DARS1: variants seen among roughly 807,000 people sequenced by gnomAD.
DARS1 encodes aspartate--tRNA ligase, cytoplasmic.
A neutral mutation model predicts 68.8 loss-of-function variants in DARS1; 51 were observed. The ratio of observed to expected loss-of-function variants is 0.74; its 90% CI spans 0.59 to 0.94. The LOEUF (loss-of-function observed/expected upper bound fraction) is 0.94. DARS1 is among the 40% of genes least tolerant of loss of function. The pLI is 0.00. For missense variants in DARS1, 607 were observed against 597.3 expected, an observed-to-expected ratio of 1.02 and a Z score of -0.17; for synonymous variants, 203 against 190.4, an observed-to-expected ratio of 1.07 and a Z score of -0.55.
At chr2:135,946,629 G>A (rs927764886) in intron 4 of DARS1, among the ~76,000 whole-genome samples, 18 of 152,156 alleles carry the variant, frequency 1.2e-4, no homozygotes, top group African/African-American at 3.6e-4. Flanking sequence ...AATGGCTACC[G>A]TAGATGATCT....
intron 5 of DARS1, among the ~76,000 whole-genome samples, chr2:135,941,367 T>C (rs574281864): frequency 6.6e-6 from 1 of 152,286 alleles, no homozygotes; most frequent in South Asian, 2.1e-4. Flanking sequence ...TATCTACAAC[T>C]ATCTCATATT....
rs191017961 is a variant in DARS1 at position 135,920,318 on chromosome 2, G to A, written c.959+135C>T. The A allele has an allele frequency of 4.5e-5, 59 of 1,321,890 alleles. No individual in the cohort carries two copies. In the African/African-American group the frequency reaches 7.8e-4, roughly 17 times the overall value. 81.9% of individuals were successfully genotyped at this position (1,321,890 alleles called of 1,614,324 possible). On this transcript the variant is annotated intron_variant, in intron 10 of 15. Coordinates refer to ENST00000264161, the MANE Select transcript of DARS1 (RefSeq NM_001349.4). The stretch of plus-strand genomic sequence containing the variant: ...GTAGATTTTTCCAACCAATTAAATG[G>A]ATCATCTAACTGGTAAATCTTTATA...
At chr2:135,985,375 C>A (rs374364488) in intron 1 of DARS1, 28 bp downstream of exon 1, 44 of 1,611,572 alleles carry the variant, frequency 2.7e-5, no homozygotes, top group Non-Finnish European at 3.6e-5. Flanking sequence ...GGTCTGTCCT[C>A]CCAGGCCCAG....
At chr2:135,961,863 G>A (rs957579340) in intron 3 of DARS1, among the ~76,000 whole-genome samples, 1 of 152,186 alleles carries the variant, frequency 6.6e-6, no homozygotes, top group African/African-American at 2.4e-5. Flanking sequence ...TCAATAGTTA[G>A]TATATTCCAC....
chr2:135,950,872 T>C (rs984065005), intron 4 of DARS1, among the ~76,000 whole-genome samples: 2 of 151,840 alleles, frequency 1.3e-5, no homozygotes, highest in African/African-American at 4.8e-5. Flanking sequence ...ACAGGGGAGT[T>C]TGTAGGGTGT....
chr2:135,985,229 G>A, intron 1 of DARS1, 174 bp downstream of exon 1: 1 of 1,037,464 alleles, frequency 9.6e-7, no homozygotes, highest in Non-Finnish European at 1.3e-6. Flanking sequence ...GCGGTCCGGA[G>A]AGGGTCTGGC....
intron 10 of DARS1, 97 bp downstream of exon 10, chr2:135,920,356 G>A: frequency 6.8e-7 from 1 of 1,460,072 alleles, no homozygotes; most frequent in Non-Finnish European, 9.1e-7. Context: ...TATGTTCATA[G>A]AAACTTAAGT....
chr2:135,985,211 C>T, intron 1 of DARS1, 192 bp downstream of exon 1: 1 of 916,746 alleles, frequency 1.1e-6, no homozygotes, highest in Non-Finnish European at 1.5e-6. Context: ...GTGACCCCCG[C>T]AAGAAACGCG....
intron 4 of DARS1, among the ~76,000 whole-genome samples, chr2:135,960,224 A>G (rs2104833005): frequency 6.6e-6 from 1 of 152,314 alleles, no homozygotes; most frequent in South Asian, 2.1e-4. Context: ...AGGTGGGGCT[A>G]CTGTATTAGT....
chr2:135,942,220 C>T (rs1489103692), intron 5 of DARS1, among the ~76,000 whole-genome samples: 1 of 152,086 alleles, frequency 6.6e-6, no homozygotes, highest in Non-Finnish European at 1.5e-5. Flanking sequence ...TTTATTGCGG[C>T]ACTATTCGCA....
chr2:135,913,746 G>A (rs866329780), intron 12 of DARS1, among the ~76,000 whole-genome samples: 1 of 149,568 alleles, frequency 6.7e-6, no homozygotes, highest in South Asian at 2.1e-4. Context: ...CAACAAGAGC[G>A]AAACTCCGTC....
intron 7 of DARS1, among the ~76,000 whole-genome samples, chr2:135,931,747 T>C (rs1681352768): frequency 6.6e-6 from 1 of 152,160 alleles, no homozygotes; most frequent in Non-Finnish European, 1.5e-5. Context: ...ATGTCCTATC[T>C]AGCATGCTAG....
At chr2:135,972,614 T>G (rs1202179666) in intron 3 of DARS1, among the ~76,000 whole-genome samples, 1 of 151,968 alleles carries the variant, frequency 6.6e-6, no homozygotes, top group Non-Finnish European at 1.5e-5. Context: ...ACAGTAAAGG[T>G]AACAATCAAC....
At chr2:135,929,896 T>C (rs958183018) in intron 7 of DARS1, among the ~76,000 whole-genome samples, 2 of 152,202 alleles carry the variant, frequency 1.3e-5, no homozygotes, top group Admixed American at 1.3e-4. Flanking sequence ...GAGTGCTGTG[T>C]GGCTACTTTA....
At chr2:135,972,057 C>T (rs1047157130) in intron 3 of DARS1, among the ~76,000 whole-genome samples, 1 of 152,068 alleles carries the variant, frequency 6.6e-6, no homozygotes, top group East Asian at 1.9e-4. Flanking sequence ...CAATGACATT[C>T]TCCACAGAAA....
intron 3 of DARS1, among the ~76,000 whole-genome samples, chr2:135,976,827 C>T (rs564766211): frequency 4.8e-4 from 73 of 151,606 alleles, no homozygotes; most frequent in African/African-American, 1.6e-3. Flanking sequence ...CACTTCCAGT[C>T]CCAAGCATTC....
chr2:135,983,314 C>T, intron 2 of DARS1, 83 bp downstream of exon 2: 1 of 735,220 alleles, frequency 1.4e-6, no homozygotes, highest in Non-Finnish European at 2.4e-6. Flanking sequence ...CAGATTTATG[C>T]CAACCTTACT....
chr2:135,920,516 T>TA lies in DARS1; in HGVS notation c.895dup (p.Tyr299LeufsTer10). On this transcript the variant is annotated frameshift_variant, in exon 10 of 16. Transcript: ENST00000264161. LOFTEE classifies it high-confidence loss of function. ...AGCAATTTCTTCCATAACTTCGTGG[T>TA]AATGGTAATTAAAAGCCATTTCAAT... is the stretch of plus-strand genomic sequence containing the variant. The TA allele has an allele frequency of 1.2e-6, 2 of 1,613,820 alleles. No individual in the cohort carries two copies. Among genetic ancestry groups the TA allele is most frequent in the Non-Finnish European group, 1.7e-6 (2 of 1,179,856 alleles).
intron 3 of DARS1, among the ~76,000 whole-genome samples, chr2:135,964,914 A>G (rs980860010): frequency 6.6e-6 from 1 of 151,504 alleles, no homozygotes; most frequent in African/African-American, 2.4e-5. Context: ...TGCTTATTAG[A>G]TTTAATTCTA....
Sources: gnomAD v4.1 joint callset for allele counts (sites outside exome capture counted in the v4.1 genomes callset) on GRCh38, gnomAD v4.1.1 for gene constraint, MANE v1.5 for transcripts, NCBI Gene and HGNC (gene_info 2026-07-23, HGNC 2026-07-21) for gene names.